The following PTPRD variants were observed in gnomAD, a reference collection of about 807,000 sequenced individuals.
PTPRD encodes protein tyrosine phosphatase receptor type D.
Under a neutral mutation model 214.5 loss-of-function variants are expected in PTPRD, and 34 were observed. That is an observed-to-expected ratio of 0.16 (90% CI 0.12 to 0.21). PTPRD has a LOEUF of 0.21. Among genes scored for constraint, PTPRD ranks in the 10% least tolerant of loss-of-function variants. The pLI is 1.00. For missense variants in PTPRD, 2,545 were observed against 2,398.7 expected (o/e 1.06, Z -1.27); for synonymous variants, 1,128 against 845.7 (o/e 1.33, Z -5.79).
intron 2 of PTPRD, among the ~76,000 whole-genome samples, chr9:10,405,542 C>G (rs997678931): frequency 6.8e-6 from 1 of 147,514 alleles, no homozygotes; most frequent in African/African-American, 2.5e-5. Flanking sequence ...AAAATAAAAG[C>G]AACTGATATA....
intron 8 of PTPRD, among the ~76,000 whole-genome samples, chr9:9,441,513 T>C (rs59714119): frequency 0.092 from 14,040 of 152,118 alleles, 1,287 homozygotes; most frequent in African/African-American, 0.24. Context: ...CAAAAGGTGA[T>C]GATGGAGGGA....
At chr9:9,230,732 A>G (rs545909481) in intron 9 of PTPRD, among the ~76,000 whole-genome samples, 11 of 152,114 alleles carry the variant, frequency 7.2e-5, no homozygotes, top group Non-Finnish European at 1.3e-4. Context: ...GCATATAGAG[A>G]AACAGTGTTT....
intron 9 of PTPRD, among the ~76,000 whole-genome samples, chr9:9,397,246 C>T (rs1257611865): frequency 2.0e-5 from 3 of 152,046 alleles, no homozygotes; most frequent in African/African-American, 7.2e-5. Context: ...ATAAACATCT[C>T]TGTTGACAAA....
intron 9 of PTPRD, among the ~76,000 whole-genome samples, chr9:9,205,515 C>A (rs2099944291): frequency 1.3e-5 from 2 of 152,064 alleles, no homozygotes; most frequent in South Asian, 2.1e-4. Flanking sequence ...TGCCAAAATT[C>A]AAAACGTTTT....
At chr9:9,385,324 G>A (rs1050737483) in intron 9 of PTPRD, among the ~76,000 whole-genome samples, 2 of 151,994 alleles carry the variant, frequency 1.3e-5, no homozygotes, top group African/African-American at 4.8e-5. Flanking sequence ...TTTTTCTTCC[G>A]TATGATCAAC....
intron 10 of PTPRD, among the ~76,000 whole-genome samples, chr9:9,022,343 C>G (rs961054860): frequency 1.3e-5 from 2 of 152,196 alleles, no homozygotes; most frequent in African/African-American, 4.8e-5. Context: ...AGAGCAACTT[C>G]CAGTCCTGAA....
intron 8 of PTPRD, among the ~76,000 whole-genome samples, chr9:9,469,854 G>A (rs1366679164): frequency 1.3e-5 from 2 of 152,140 alleles, no homozygotes; most frequent in Non-Finnish European, 2.9e-5. Flanking sequence ...CATGGCATAT[G>A]TCCAATGAGG....
At chr9:8,354,120 C>T (rs923297849) in intron 39 of PTPRD, among the ~76,000 whole-genome samples, 1 of 151,036 alleles carries the variant, frequency 6.6e-6, no homozygotes, top group Non-Finnish European at 1.5e-5. Flanking sequence ...ATTTTTAATA[C>T]CTTATTTATA....
intron 9 of PTPRD, among the ~76,000 whole-genome samples, chr9:9,211,580 A>T (rs142247953): frequency 1.3e-5 from 2 of 150,880 alleles, no homozygotes; most frequent in Non-Finnish European, 2.9e-5. Context: ...TTTCTTCTCA[A>T]TGATATTAAG....
At chr9:10,031,647 T>TACATACACACACACACACAC (rs1555494945) in intron 4 of PTPRD, among the ~76,000 whole-genome samples, 5 of 89,686 alleles carry the variant, frequency 5.6e-5, no homozygotes, top group African/African-American at 3.2e-4. Flanking sequence ...TATATATATA[T>TACATACACACACACACACAC]ACACACACAC....
At chr9:9,246,912 G>C (rs1159967354) in intron 9 of PTPRD, among the ~76,000 whole-genome samples, 1 of 152,026 alleles carries the variant, frequency 6.6e-6, no homozygotes, top group Admixed American at 6.6e-5. Flanking sequence ...TTGAGCCACA[G>C]TACATTGGAA....
intron 2 of PTPRD, among the ~76,000 whole-genome samples, chr9:10,592,989 T>C (rs1180549788): frequency 1.3e-5 from 2 of 151,980 alleles, no homozygotes; most frequent in African/African-American, 4.8e-5. Context: ...TTGCTGCTGC[T>C]CACTCTTTGG....
chr9:10,399,156 C>G (rs761008023), intron 2 of PTPRD, among the ~76,000 whole-genome samples: 1 of 151,906 alleles, frequency 6.6e-6, no homozygotes, highest in African/African-American at 2.4e-5. Context: ...ACGAAATATA[C>G]TCATCAAGAC....
chr9:10,265,304 T>A (rs2093980907), intron 3 of PTPRD, among the ~76,000 whole-genome samples: 1 of 152,150 alleles, frequency 6.6e-6, no homozygotes, highest in Non-Finnish European at 1.5e-5. Context: ...AACATATGAC[T>A]CAGTCTTCCT....
intron 3 of PTPRD, among the ~76,000 whole-genome samples, chr9:10,250,372 C>T (rs1453230873): frequency 2.6e-5 from 4 of 151,990 alleles, no homozygotes; most frequent in Non-Finnish European, 5.9e-5. Context: ...ACAGTTTCTA[C>T]ACTTTTGAAC....
intron 27 of PTPRD, among the ~76,000 whole-genome samples, chr9:8,489,252 C>G (rs1413822781): frequency 6.6e-6 from 1 of 152,128 alleles, no homozygotes; most frequent in African/African-American, 2.4e-5. Context: ...GGAGTAATCT[C>G]TTTTGTTTTT....
chr9:8,330,977 G>C (rs1840016595), intron 44 of PTPRD, among the ~76,000 whole-genome samples: 1 of 150,844 alleles, frequency 6.6e-6, no homozygotes, highest in South Asian at 2.1e-4. Context: ...TAAATTTATG[G>C]TGAATGTCTG....
chr9:9,389,179 C>G (rs1329981173), intron 9 of PTPRD, among the ~76,000 whole-genome samples: 4 of 152,076 alleles, frequency 2.6e-5, no homozygotes, highest in Non-Finnish European at 5.9e-5. Flanking sequence ...TATCTAGCAG[C>G]ATACTGCTTA....
chr9:10,403,009 T>A (rs776742141), intron 2 of PTPRD, among the ~76,000 whole-genome samples: 5 of 151,338 alleles, frequency 3.3e-5, no homozygotes, highest in Non-Finnish European at 7.4e-5. Context: ...AAGAAACTGG[T>A]AGGTAACTCA....
Sources: allele counts gnomAD v4.1 joint callset (sites outside exome capture counted in the v4.1 genomes callset), GRCh38; gene constraint gnomAD v4.1.1; transcripts MANE v1.5; gene names NCBI Gene and HGNC (gene_info 2026-07-23, HGNC 2026-07-21).